Variants in NTRK1 observed in about 807,000 individuals in gnomAD.
The protein encoded by NTRK1 is neurotrophic receptor tyrosine kinase 1, also known as high affinity nerve growth factor receptor.
Under a neutral mutation model 86.8 loss-of-function variants are expected in NTRK1, and 62 were observed. The ratio of observed to expected loss-of-function variants is 0.71; its 90% confidence interval spans 0.58 to 0.88. The LOEUF is 0.88. Ranked by LOEUF, NTRK1 falls within the 40% of genes least tolerant of loss-of-function variation. NTRK1 has a pLI of 0.00. For missense variants in NTRK1, 967 were observed against 1,078.4 expected (o/e 0.90, Z 1.45); for synonymous variants, 469 against 456.6 (o/e 1.03, Z -0.35).
At chr1:156,850,100 C>T (rs1009885791) in intron 2 of NTRK1, among the ~76,000 whole-genome samples, 4 of 152,078 alleles carry the variant, frequency 2.6e-5, no homozygotes, top group Non-Finnish European at 4.4e-5. Flanking sequence ...CAGAGTTTCA[C>T]CATGTTGCCC....
chr1:156,857,163 ATGTGTGTGTGTG>A (rs57324546), upstream of NTRK1, among the ~76,000 whole-genome samples: 509 of 130,636 alleles, frequency 3.9e-3, 2 homozygotes, highest in African/African-American at 7.3e-3. Context: ...GCAGCTGTGT[ATGTGTGTGTGTG>A]TGTGTGTGTG....
intron 2 of NTRK1, chr1:156,842,957 C>T (rs753665667): frequency 1.4e-6 from 2 of 1,436,330 alleles, no homozygotes; most frequent in Non-Finnish European, 2.0e-6. Context: ...TACCACATGA[C>T]CTTTACACTA....
At position 156,868,666 on chromosome 1, in the gene NTRK1, G is replaced by T; in HGVS notation, c.717+19G>T. 6.5e-7 allele frequency: 1 copy of T among 1,549,694 alleles called. No individual in the cohort carries two copies. ...GGTGATGGTGAGAAGACCTTCGCTGGCAGCCCCCAAGAGGTCCAGGCAGAG... is the reference window on the plus strand; with the variant it reads ...GGTGATGGTGAGAAGACCTTCGCTGTCAGCCCCCAAGAGGTCCAGGCAGAG... On this transcript the variant is annotated intron_variant, in intron 6 of 16. Coordinates refer to ENST00000524377, the MANE Select transcript of NTRK1 (RefSeq NM_002529.4).
intron 13 of NTRK1, 25 bp from the exon 14 acceptor site, chr1:156,876,375 T>A (rs778172159): frequency 6.0e-5 from 96 of 1,613,134 alleles, no homozygotes; most frequent in Non-Finnish European, 7.5e-5. Context: ...CCCAACTCAG[T>A]CCTGTCCCTG....
rs538502884 is a variant in NTRK1 at position 156,821,022 on chromosome 1, T to C, written c.-64+5184T>C. Among the ~76,000 whole-genome samples the C allele has an allele frequency of 2.6e-5, 4 of 152,336 alleles. No homozygotes were observed. The East Asian group carries it at 7.7e-4, about 29-fold the overall frequency. On this transcript the variant is annotated intron_variant, in intron 1 of 16. Transcript: ENST00000392302. ...TTCTTTGTAGAGTTCCTTGTAGTTT[T>C]CCTGGTAGAGATCTTTAACCTTCTT... is the stretch of plus-strand genomic sequence containing the variant.
chr1:156,858,419 C>G, upstream of NTRK1: 1 of 782,712 alleles, frequency 1.3e-6, no homozygotes, highest in Non-Finnish European at 2.3e-6. Flanking sequence ...GCGCTAACCC[C>G]AACCCCCATG....
rs755603979 is a variant in NTRK1, at chr1:156,849,279, T to G, written c.50+7086T>G. 6 of 1,613,748 alleles carry G rather than the reference T, an allele frequency of 3.7e-6. No individual in the cohort carries two copies. In the East Asian group the frequency reaches 1.1e-4, roughly 30 times the overall value. Reference sequence around the variant, plus strand: ...CGGTCTCCGTTGGTGCGGGGGTTGATCTCAGCCTTGTTCTGCCGACCTCGC... The same window carrying G: ...CGGTCTCCGTTGGTGCGGGGGTTGAGCTCAGCCTTGTTCTGCCGACCTCGC... On this transcript the variant is annotated intron_variant, in intron 2 of 16. Coordinates refer to the NTRK1 transcript ENST00000392302.
intron 6 of NTRK1, among the ~76,000 whole-genome samples, chr1:156,869,367 T>C (rs1055838283): frequency 4.6e-5 from 7 of 152,048 alleles, no homozygotes; most frequent in South Asian, 4.2e-4. Flanking sequence ...TGTGAGCCAC[T>C]GTGCCCGGCA....
intron 1 of NTRK1, among the ~76,000 whole-genome samples, chr1:156,833,461 G>T (rs1654516524): frequency 6.6e-6 from 1 of 152,196 alleles, no homozygotes; most frequent in South Asian, 2.1e-4. Context: ...GGAGGCTGAG[G>T]CAGGAGAATT....
At chr1:156,862,082 C>T (rs1571682416) in intron 1 of NTRK1, among the ~76,000 whole-genome samples, 1 of 152,200 alleles carries the variant, frequency 6.6e-6, no homozygotes, top group African/African-American at 2.4e-5. Flanking sequence ...GAAAATCCTC[C>T]TCCTGTGGCC....
rs139034090 is a variant in NTRK1, at chr1:156,834,784, G to A, written c.-63-7297G>A. On this transcript the variant is annotated intron_variant, in intron 1 of 16. Transcript: ENST00000392302. ...TGGGTAGGTGGGGAGGAGTGGCTCT[G>A]GGGGAGGAGATTCAGGAATGGGCCG... 3.2e-4 allele frequency among the ~76,000 whole-genome samples: 48 copies of A among 149,798 alleles called. 1 individual carries two copies. In the East Asian group the frequency reaches 8.4e-3, roughly 26 times the overall value.
chr1:156,817,047 T>TTCTCTCTCTCTCTCTCTCTCTCTC (rs3840456), intron 1 of NTRK1, among the ~76,000 whole-genome samples: 2,385 of 113,730 alleles, frequency 0.021, 255 homozygotes, highest in East Asian at 0.031. Flanking sequence ...GAACTTCCCT[T>TTCTCTCTCTCTCTCTCTCTCTCTC]TCTCTCTCTC....
chr1:156,849,771 G>C (rs752284077), intron 2 of NTRK1, among the ~76,000 whole-genome samples: 1 of 151,976 alleles, frequency 6.6e-6, no homozygotes, highest in Non-Finnish European at 1.5e-5. Flanking sequence ...CCAGACTCTG[G>C]AGGCTTTGGA....
In NTRK1 at chr1:156,880,026, C is replaced by G. The variant is rs761967383; in HGVS notation, c.2074C>G (p.Arg692Gly). 1 of 1,613,482 alleles carries G rather than the reference C, an allele frequency of 6.2e-7. No individual in the cohort carries two copies. The highest frequency in any genetic ancestry group is 8.5e-7 in the Non-Finnish European group (1 of 1,179,998). The change falls in exon 16 of 17, where the codon CGC becomes GGC. Residue 692 changes from arginine (R) to glycine (G), a missense_variant. This residue lies in a region of NTRK1 where 637 missense variants were observed against 776.5 expected (regional missense o/e 0.82). Coordinates refer to ENST00000524377, the MANE Select transcript of NTRK1 (RefSeq NM_002529.4). The stretch of plus-strand genomic sequence containing the variant: ...GGGAGGCCGCACCATGCTGCCCATT[C>G]GCTGGATGCCGCCCGAGAGCATCCT... ...RVGGRTMLPI[R>G]WMPPESILYR...
intron 14 of NTRK1, among the ~76,000 whole-genome samples, chr1:156,876,923 C>T (rs1219581322): frequency 4.6e-5 from 7 of 152,240 alleles, no homozygotes; most frequent in South Asian, 2.1e-4. Flanking sequence ...ACAGTAACAA[C>T]GACAGTAATG....
chr1:156,866,667 G>C (rs1232472063), intron 3 of NTRK1, among the ~76,000 whole-genome samples: 1 of 152,156 alleles, frequency 6.6e-6, no homozygotes, highest in East Asian at 1.9e-4. Flanking sequence ...CCTGGGGTCT[G>C]GAGAGGGGGT....
At chr1:156,856,215 G>A (rs1655401628), upstream of NTRK1, among the ~76,000 whole-genome samples, 1 of 152,114 alleles carries the variant, frequency 6.6e-6, no homozygotes, top group African/African-American at 2.4e-5. Context: ...TAAGGGCAGG[G>A]ATATTTGTAT....
chr1:156,854,384 C>A lies in NTRK1; in HGVS notation c.51-9970C>A. ...CAGCCCTGGCAGCTTTGGAGGGGAG[C>A]CACACTGGCAGTAGGACAATGAGTG... On this transcript the variant is annotated intron_variant, in intron 2 of 16. Transcript: ENST00000392302. The surrounding 1 kb of genome is among the most constrained non-coding windows in gnomAD (Gnocchi z 4.2). 5 of 1,355,796 alleles carry A rather than the reference C, an allele frequency of 3.7e-6. No individual in the cohort carries two copies. The highest frequency in any genetic ancestry group is 5.0e-6 in the Non-Finnish European group (5 of 1,000,328). The allele number at this position is 1,355,796 out of a possible 1,614,324, so 84.0% of individuals were successfully genotyped here.
intron 2 of NTRK1, chr1:156,843,003 C>T: frequency 3.1e-6 from 5 of 1,610,392 alleles, no homozygotes; most frequent in Non-Finnish European, 3.4e-6. Context: ...CTCTCCCTTA[C>T]CACATGGTGA....
Sources: allele counts gnomAD v4.1 joint callset (sites outside exome capture counted in the v4.1 genomes callset), GRCh38; gene constraint gnomAD v4.1.1; regional missense constraint gnomAD v4.1.1; non-coding constraint Gnocchi (gnomAD v3.1); transcripts MANE v1.5; gene names NCBI Gene and HGNC (gene_info 2026-07-23, HGNC 2026-07-21).